Variants in DHRS12 observed in about 807,000 individuals in gnomAD.
The protein encoded by DHRS12 is dehydrogenase/reductase SDR family member 12.
Under a neutral mutation model 32.1 loss-of-function variants are expected in DHRS12, and 29 were observed. The observed-to-expected ratio is 0.90, with a 90% CI of 0.67 to 1.23. DHRS12 has a LOEUF of 1.23. Among genes scored for constraint, DHRS12 ranks in the 50% most tolerant of loss-of-function variants. DHRS12 has a pLI of 0.00. For synonymous variants in DHRS12, 150 were observed against 135.9 expected (o/e 1.10, Z -0.72); for missense variants, 330 against 337.2 (o/e 0.98, Z 0.17).
chr13:51,764,423 T>C (rs1359051554), downstream of DHRS12: 1 of 152,766 alleles, frequency 6.5e-6, no homozygotes, highest in African/African-American at 2.4e-5. Context: ...AAAATGGAAA[T>C]GACTTTCCAG....
At chr13:51,768,789 C>A in intron 8 of DHRS12, 3 of 1,217,964 alleles carry the variant, frequency 2.5e-6, no homozygotes, top group Non-Finnish European at 3.1e-6. Flanking sequence ...GTCCCTTACA[C>A]CCTTTGCACT....
intron 5 of DHRS12, 113 bp downstream of exon 5, chr13:51,776,947 G>A (rs1954449798): frequency 8.5e-7 from 1 of 1,176,114 alleles, no homozygotes; most frequent in African/African-American, 1.5e-5. Context: ...GTTTTGCTGT[G>A]GATGTGGACA....
At chr13:51,755,946 C>G in the DHRS12 span, among the ~76,000 whole-genome samples, 2 of 152,156 alleles carry the variant, frequency 1.3e-5, no homozygotes, top group Non-Finnish European at 2.9e-5. Context: ...TCAGCAGATT[C>G]AATCAGGTTT....
chr13:51,792,385 C>A (rs573781518), intron 2 of DHRS12, among the ~76,000 whole-genome samples: 1 of 152,074 alleles, frequency 6.6e-6, no homozygotes, highest in African/African-American at 2.4e-5. Context: ...ATGTGTTGGC[C>A]ATTTGTTTTT....
intron 2 of DHRS12, among the ~76,000 whole-genome samples, chr13:51,796,617 T>G (rs895060381): frequency 3.3e-5 from 5 of 152,252 alleles, no homozygotes; most frequent in African/African-American, 4.8e-5. Flanking sequence ...TTTTAAAGCC[T>G]GTGGCCCACA....
downstream of DHRS12, chr13:51,767,936 A>C: frequency 7.9e-7 from 1 of 1,272,552 alleles, no homozygotes; most frequent in Non-Finnish European, 1.0e-6. Flanking sequence ...CGAATTCTTT[A>C]GAAAACCATT....
At chr13:51,771,310 G>A in intron 7 of DHRS12, 1 of 1,575,264 alleles carries the variant, frequency 6.3e-7, no homozygotes, top group East Asian at 2.3e-5. Flanking sequence ...TCATGGAGTT[G>A]GTGAGGCCAA....
rs1955252809 is a variant in DHRS12 at position 51,791,240 on chromosome 13, A to G, written c.144T>C (p.Ile48=). ...KSPSENIFLH[I]VDLSDPKQIW... is the part of the protein sequence containing the mutation. ...TTTGCTTGGGATCAGACAAGTCCAC[A>G]ATGTGCAGAAAAATGTTCTAAATTA... The change falls in exon 3 of 9, where the codon ATT becomes ATC. Residue 48 remains isoleucine (I), a synonymous_variant. Coordinates refer to ENST00000444610, the MANE Select transcript of DHRS12 (RefSeq NM_001377533.1). The G allele has an allele frequency of 3.3e-6, 5 of 1,527,786 alleles. No homozygotes were observed. Among genetic ancestry groups the G allele is most frequent in the Non-Finnish European group, 4.4e-6 (5 of 1,135,760 alleles). The allele number at this position is 1,527,786 out of a possible 1,614,324, so 94.6% of individuals were successfully genotyped here. A position where few individuals can be genotyped will look rare whatever the true frequency, so the allele number is the denominator to read the frequency against.
the DHRS12 span, chr13:51,756,290 G>C: frequency 6.3e-7 from 1 of 1,583,354 alleles, no homozygotes; most frequent in African/African-American, 1.3e-5. Context: ...CTCAGGAGCT[G>C]AGGGAGCCGT....
intron 6 of DHRS12, 62 bp from the exon 7 acceptor site, chr13:51,771,973 G>A (rs1386068700): frequency 6.5e-7 from 1 of 1,541,674 alleles, no homozygotes; most frequent in Non-Finnish European, 9.0e-7. Flanking sequence ...TGCAAGGGCA[G>A]GGGATAAGCC....
intron 5 of DHRS12, 93 bp from the exon 6 acceptor site, chr13:51,774,127 C>T: frequency 1.8e-6 from 2 of 1,116,744 alleles, no homozygotes; most frequent in Non-Finnish European, 2.6e-6. Flanking sequence ...CTGTTGTGAC[C>T]AATGACCACA....
chr13:51,801,950 T>C (rs959793585), intron 1 of DHRS12, among the ~76,000 whole-genome samples: 5 of 152,064 alleles, frequency 3.3e-5, no homozygotes, highest in African/African-American at 1.2e-4. Context: ...TTCCTCAAAC[T>C]CCAGACTGGG....
intron 1 of DHRS12, among the ~76,000 whole-genome samples, chr13:51,800,004 G>C (rs1955680573): frequency 1.3e-5 from 2 of 152,194 alleles, no homozygotes; most frequent in East Asian, 3.8e-4. Flanking sequence ...CTTTTGTGGG[G>C]GGCAGGTTTC....
chr13:51,779,992 C>T (rs1001014302), intron 4 of DHRS12, among the ~76,000 whole-genome samples: 9 of 152,106 alleles, frequency 5.9e-5, no homozygotes, highest in Middle Eastern at 3.4e-3. Flanking sequence ...GCCTGGCTAA[C>T]GTGGCGAAAC....
At chr13:51,756,211 C>T in the DHRS12 span, 1 of 1,422,730 alleles carries the variant, frequency 7.0e-7, no homozygotes, top group Non-Finnish European at 9.4e-7. Context: ...CTGGGGCTCT[C>T]TTGTTCAGCA....
the DHRS12 span, chr13:51,762,053 T>C: frequency 6.6e-6 from 1 of 152,226 alleles, no homozygotes; most frequent in Non-Finnish European, 1.5e-5. Flanking sequence ...TGTAGTTTAT[T>C]ACTAGAAGCT....
rs1292087223 is a variant in DHRS12, at chr13:51,782,404, T to C, written c.302-5283A>G. Among the ~76,000 whole-genome samples, 1 of 151,880 alleles carries C rather than the reference T, an allele frequency of 6.6e-6. No homozygotes were observed. The highest frequency in any genetic ancestry group is 1.5e-5 in the Non-Finnish European group (1 of 67,962). On this transcript the variant is annotated intron_variant, in intron 4 of 8. Transcript: ENST00000444610. This position sits in a 1 kb window ranked among gnomAD's most constrained non-coding sequence, Gnocchi z 4.2. ...TTGAGAAGGAGCCAACCTCCGAGGG[T>C]GGAATCACAGGTGGCTTGGAGGCCA...
chr13:51,755,573 C>T, the DHRS12 span: 1 of 909,412 alleles, frequency 1.1e-6, no homozygotes, highest in African/African-American at 1.7e-5. Context: ...AAATTATTAT[C>T]CTGGAGTCAC....
At position 51,769,158 on chromosome 13, in the gene DHRS12, T is replaced by A. The variant is rs1235615951; in HGVS notation, c.695A>T (p.Gln232Leu). The change falls in exon 8 of 9, where the codon CAA (glutamine) becomes CTA (leucine). Residue 232 changes from glutamine to leucine, a missense_variant and splice_region_variant. Transcript: ENST00000444610. Reference sequence around the variant, plus strand: ...TTCACAGCCAGGGAGGAAGTCACCTTGAAAGAAGCGGCCGCTGGGCTGTGC... The same window carrying A: ...TTCACAGCCAGGGAGGAAGTCACCTAGAAAGAAGCGGCCGCTGGGCTGTGC... Reference protein sequence around the residue: ...AAAQPSGRFFQDRKPVSTHLP... With the variant: ...AAAQPSGRFFLDRKPVSTHLP... 1.9e-6 allele frequency: 3 copies of A among 1,549,384 alleles called. No homozygotes were observed. Among genetic ancestry groups the A allele is most frequent in the Non-Finnish European group, 2.6e-6 (3 of 1,147,208 alleles).
Sources: gnomAD v4.1 joint callset for allele counts (sites outside exome capture counted in the v4.1 genomes callset) on GRCh38, gnomAD v4.1.1 for gene constraint, Gnocchi (gnomAD v3.1) non-coding constraint, MANE v1.5 for transcripts, NCBI Gene and HGNC (gene_info 2026-07-23, HGNC 2026-07-21) for gene names.